TDRD12: variants seen among roughly 807,000 people sequenced by gnomAD.
TDRD12 encodes tudor domain containing 12, also known as putative ATP-dependent RNA helicase TDRD12.
TDRD12 carries 158 observed loss-of-function variants against 133.5 expected under a neutral mutation model. The observed-to-expected ratio is 1.18, with a 90% CI of 1.04 to 1.35. The LOEUF is 1.35. Ranked by LOEUF, TDRD12 falls within the 40% of genes most tolerant of loss-of-function variation. The probability of loss-of-function intolerance (pLI) is 0.00; values close to 1 mark genes in which losing one functional copy is unlikely to be tolerated. For missense variants in TDRD12, 1,443 were observed against 1,321.3 expected, an observed-to-expected ratio of 1.09 and a Z score of -1.43; for synonymous variants, 460 against 477.9, an observed-to-expected ratio of 0.96 and a Z score of 0.49.
In TDRD12 at chr19:32,826,379, T is replaced by G. The variant is rs1332448015; in HGVS notation, c.895+22T>G. On this transcript the variant is annotated intron_variant, in intron 8 of 9. Coordinates refer to the TDRD12 transcript ENST00000637289. ...TCAGGTAGGTTTATGTATAGTCATA[T>G]AAAGTAAAATAGAAATAATTTTTAG... 3 of 1,165,710 alleles carry G rather than the reference T, an allele frequency of 2.6e-6. No homozygotes were observed. In the East Asian group the frequency reaches 9.3e-5, roughly 36 times the overall value. 72.2% of individuals were successfully genotyped at this position (1,165,710 alleles called of 1,614,324 possible).
At chr19:32,815,517 T>A in exon 26 of TDRD12, 1 of 1,536,414 alleles carries the variant, frequency 6.5e-7, no homozygotes, top group Non-Finnish European at 8.7e-7. Flanking sequence ...TGAAATTTTG[T>A]CCATGGGCAT....
chr19:32,788,457 TTTA>T (rs1970973656), intron 11 of TDRD12, among the ~76,000 whole-genome samples: 1 of 152,160 alleles, frequency 6.6e-6, no homozygotes, highest in African/African-American at 2.4e-5. Flanking sequence ...CTCTACTCAT[TTTA>T]TTGTGTTTTT....
intron 11 of TDRD12, among the ~76,000 whole-genome samples, chr19:32,784,261 T>C (rs1315381097): frequency 1.3e-5 from 2 of 152,196 alleles, no homozygotes; most frequent in Non-Finnish European, 2.9e-5. Context: ...GTGGTTTTTG[T>C]TGTTGGTTCT....
At chr19:32,817,138 C>A (rs1197263617) in intron 26 of TDRD12, among the ~76,000 whole-genome samples, 2 of 152,198 alleles carry the variant, frequency 1.3e-5, no homozygotes, top group Non-Finnish European at 2.9e-5. Context: ...ATAAACATGA[C>A]AACAGCTGCC....
chr19:32,815,641 T>G, intron 26 of TDRD12, 21 bp downstream of exon 26: 1 of 1,518,494 alleles, frequency 6.6e-7, no homozygotes, highest in Non-Finnish European at 8.8e-7. Flanking sequence ...TTCTGTCTCC[T>G]TTTTGGAAGA....
chr19:32,732,552 A>G (rs1048902932), intron 2 of TDRD12, among the ~76,000 whole-genome samples: 1 of 152,080 alleles, frequency 6.6e-6, no homozygotes, highest in Non-Finnish European at 1.5e-5. Flanking sequence ...ACTTTGGCCA[A>G]CTCAGATGTC....
rs1969710479 is a variant in TDRD12 at position 32,748,154 on chromosome 19, C to T, written c.441-322C>T. Among the ~76,000 whole-genome samples the T allele has an allele frequency of 3.3e-5, 5 of 152,230 alleles. No homozygotes were observed. The South Asian group carries it at 1.0e-3, about 32-fold the overall frequency. On this transcript the variant is annotated intron_variant, in intron 4 of 27. Transcript: ENST00000444215. Reference sequence around the variant, plus strand: ...ACACTCAGGATCCCTGTCCCAGGAGCTTGTGTTCTGGTTGAGGAGACTGAT... The same window carrying T: ...ACACTCAGGATCCCTGTCCCAGGAGTTTGTGTTCTGGTTGAGGAGACTGAT...
intron 10 of TDRD12, among the ~76,000 whole-genome samples, chr19:32,776,754 T>C (rs1189913780): frequency 6.6e-6 from 1 of 152,194 alleles, no homozygotes; most frequent in African/African-American, 2.4e-5. Flanking sequence ...AGAAATGACT[T>C]TTATACTTAA....
exon 12 of TDRD12, chr19:32,790,559 T>A: frequency 6.4e-7 from 1 of 1,551,956 alleles, no homozygotes; most frequent in Non-Finnish European, 8.7e-7. Flanking sequence ...TCCTGATCCT[T>A]TGAGAGCTGA....
At chr19:32,805,399 G>GA (rs559480883) in intron 21 of TDRD12, among the ~76,000 whole-genome samples, 57 of 146,094 alleles carry the variant, frequency 3.9e-4, no homozygotes, top group East Asian at 1.4e-3. Context: ...AAAGAAAAAA[G>GA]AAAAAAAAAA....
chr19:32,765,632 G>T (rs1236165841), intron 8 of TDRD12, among the ~76,000 whole-genome samples: 1 of 151,106 alleles, frequency 6.6e-6, no homozygotes, highest in Non-Finnish European at 1.5e-5. Context: ...GCAAACTATC[G>T]CAAGGACAAA....
At chr19:32,735,827 A>C (rs1969206045) in intron 2 of TDRD12, among the ~76,000 whole-genome samples, 1 of 152,086 alleles carries the variant, frequency 6.6e-6, no homozygotes, top group African/African-American at 2.4e-5. Context: ...AAAATTAGCC[A>C]GGTGTGGTGG....
intron 4 of TDRD12, among the ~76,000 whole-genome samples, chr19:32,746,059 T>A (rs1241225576): frequency 1.1e-4 from 13 of 118,780 alleles, no homozygotes; most frequent in Non-Finnish European, 1.9e-4. Context: ...AGAGAGAGAG[T>A]CTGGCTGATG....
At chr19:32,812,087 G>T (rs951558942) in intron 24 of TDRD12, among the ~76,000 whole-genome samples, 5 of 152,240 alleles carry the variant, frequency 3.3e-5, no homozygotes, top group Admixed American at 6.5e-5. Context: ...AAATAGAACA[G>T]ATGGGGCGTT....
chr19:32,733,237 G>C (rs1267507414), intron 2 of TDRD12, among the ~76,000 whole-genome samples: 1 of 152,200 alleles, frequency 6.6e-6, no homozygotes, highest in Non-Finnish European at 1.5e-5. Context: ...GGGAGTCTGA[G>C]GCAGGTGGAT....
chr19:32,796,421 C>T (rs551350126), intron 14 of TDRD12, among the ~76,000 whole-genome samples: 1 of 152,104 alleles, frequency 6.6e-6, no homozygotes, highest in South Asian at 2.1e-4. Flanking sequence ...CCTGTCTCTA[C>T]TAAAAATACA....
intron 6 of TDRD12, among the ~76,000 whole-genome samples, chr19:32,752,457 G>A (rs1969859706): frequency 6.6e-6 from 1 of 152,178 alleles, no homozygotes; most frequent in Non-Finnish European, 1.5e-5. Context: ...TGGGATTACA[G>A]GCGTGAGCCA....
intron 6 of TDRD12, 81 bp from the exon 7 acceptor site, chr19:32,755,911 G>C (rs1969977836): frequency 9.7e-7 from 1 of 1,033,164 alleles, no homozygotes; most frequent in Non-Finnish European, 1.3e-6. Flanking sequence ...GTAGAACTTT[G>C]GGGTTAAGTT....
At chr19:32,824,977 C>T (rs181958257), downstream of TDRD12, among the ~76,000 whole-genome samples, 62 of 152,298 alleles carry the variant, frequency 4.1e-4, no homozygotes, top group Non-Finnish European at 4.4e-5. Flanking sequence ...TGTTCTTGTT[C>T]GCGTTCAGTG....
Sources: allele counts gnomAD v4.1 joint callset (sites outside exome capture counted in the v4.1 genomes callset), GRCh38; gene constraint gnomAD v4.1.1; transcripts MANE v1.5; gene names NCBI Gene and HGNC (gene_info 2026-07-23, HGNC 2026-07-21).